LSAMP: variants seen among roughly 807,000 people sequenced by gnomAD.
The protein encoded by LSAMP is limbic system-associated membrane protein.
LSAMP carries 7 observed loss-of-function variants against 38.6 expected under a neutral mutation model. The observed-to-expected ratio is 0.18, with a 90% CI of 0.10 to 0.34. The LOEUF is 0.34. Among genes scored for constraint, LSAMP ranks in the 10% least tolerant of loss-of-function variants. The pLI, the probability that LSAMP is intolerant of heterozygous loss-of-function variation, is 1.00. For missense variants in LSAMP, 313 were observed against 420.0 expected (o/e 0.75, Z 2.23); for synonymous variants, 154 against 166.8 (o/e 0.92, Z 0.59).
intron 1 of LSAMP, among the ~76,000 whole-genome samples, chr3:116,348,622 CAG>C (rs961426691): frequency 1.3e-5 from 2 of 152,124 alleles, no homozygotes; most frequent in Non-Finnish European, 2.9e-5. Context: ...GCATTTGTGA[CAG>C]ACATTTTTTA....
chr3:116,310,691 G>C lies in LSAMP; in HGVS notation c.155+134186C>G, dbSNP rs571107179. Among the ~76,000 whole-genome samples the C allele has an allele frequency of 5.9e-5, 9 of 152,044 alleles. No individual in the cohort carries two copies. The South Asian group carries it at 1.9e-3, about 32-fold the overall frequency. On this transcript the variant is annotated intron_variant, in intron 1 of 6. Coordinates refer to ENST00000490035, the MANE Select transcript of LSAMP (RefSeq NM_002338.5). ...CCCAACGAAAGAAAAATTTCTCAAG[G>C]CAATTGGGTTCCTAATAAATGATGC...
intron 1 of LSAMP, among the ~76,000 whole-genome samples, chr3:116,156,963 G>A (rs971992928): frequency 6.6e-6 from 1 of 152,096 alleles, no homozygotes; most frequent in Non-Finnish European, 1.5e-5. Context: ...CTTCATATAA[G>A]GAAGGATATT....
chr3:116,052,827 A>G (rs560002854), intron 2 of LSAMP, among the ~76,000 whole-genome samples: 16 of 152,294 alleles, frequency 1.1e-4, no homozygotes, highest in African/African-American at 3.4e-4. Context: ...GCTTAGTTGG[A>G]CGGAATTTGA....
At chr3:116,237,641 T>C (rs2046482383) in intron 1 of LSAMP, among the ~76,000 whole-genome samples, 1 of 146,820 alleles carries the variant, frequency 6.8e-6, no homozygotes, top group Non-Finnish European at 1.5e-5. Context: ...AGCACTTGAG[T>C]CCTCGCCATA....
rs2046714495 is a variant in LSAMP at position 116,253,656 on chromosome 3, T to C, written c.156-167100A>G. Among the ~76,000 whole-genome samples the C allele has an allele frequency of 4.6e-5, 7 of 152,186 alleles. No individual in the cohort carries two copies. The South Asian group carries it at 1.2e-3, about 27-fold the overall frequency. ...GAGCTTCCTTTTCTAGGCATGAACATTTCTCATTTGTTTAACATTGTGAAT... is the reference window on the plus strand; with the variant it reads ...GAGCTTCCTTTTCTAGGCATGAACACTTCTCATTTGTTTAACATTGTGAAT... On this transcript the variant is annotated intron_variant, in intron 1 of 6. Coordinates refer to ENST00000490035, the MANE Select transcript of LSAMP (RefSeq NM_002338.5).
At chr3:116,400,724 C>T (rs151329711) in intron 1 of LSAMP, among the ~76,000 whole-genome samples, 3 of 152,078 alleles carry the variant, frequency 2.0e-5, no homozygotes, top group East Asian at 1.9e-4. Flanking sequence ...GTGATCCACC[C>T]GCCTCGGCCT....
At chr3:115,874,431 G>T (rs1559862096) in intron 3 of LSAMP, among the ~76,000 whole-genome samples, 1 of 151,974 alleles carries the variant, frequency 6.6e-6, no homozygotes, top group Non-Finnish European at 1.5e-5. Flanking sequence ...TGTTCATGCG[G>T]TGATTGTAGC....
chr3:116,126,119 TC>T (rs1244010744), intron 1 of LSAMP, among the ~76,000 whole-genome samples: 2 of 152,218 alleles, frequency 1.3e-5, no homozygotes, highest in Admixed American at 6.5e-5. Flanking sequence ...ATCCAAAGCT[TC>T]TAAACTTTTG....
intron 1 of LSAMP, among the ~76,000 whole-genome samples, chr3:116,181,967 T>C (rs931662434): frequency 3.9e-5 from 6 of 152,032 alleles, no homozygotes; most frequent in African/African-American, 7.2e-5. Context: ...GGAACCATTA[T>C]TGTAGAACAG....
chr3:116,182,347 T>C (rs1375208622), intron 1 of LSAMP, among the ~76,000 whole-genome samples: 1 of 151,306 alleles, frequency 6.6e-6, no homozygotes, highest in Non-Finnish European at 1.5e-5. Flanking sequence ...TATAAAAACA[T>C]TGGATTTTTA....
intron 6 of LSAMP, among the ~76,000 whole-genome samples, chr3:115,814,955 T>C (rs1933966094): frequency 6.6e-6 from 1 of 152,188 alleles, no homozygotes; most frequent in African/African-American, 2.4e-5. Context: ...CCTGATAAAA[T>C]TGACTTTGGC....
At chr3:115,933,920 A>C (rs547944554) in intron 3 of LSAMP, among the ~76,000 whole-genome samples, 1 of 152,326 alleles carries the variant, frequency 6.6e-6, no homozygotes, top group African/African-American at 2.4e-5. Flanking sequence ...ACAGGGAACA[A>C]GGGGGCAGAA....
At chr3:116,353,892 T>A (rs2048183271) in intron 1 of LSAMP, among the ~76,000 whole-genome samples, 1 of 152,126 alleles carries the variant, frequency 6.6e-6, no homozygotes, top group Non-Finnish European at 1.5e-5. Flanking sequence ...AAAATAAAGT[T>A]CATAAAAATC....
intron 6 of LSAMP, among the ~76,000 whole-genome samples, chr3:115,812,816 C>T (rs1433074295): frequency 6.6e-6 from 1 of 152,112 alleles, no homozygotes; most frequent in Non-Finnish European, 1.5e-5. Flanking sequence ...GCTAGTTTAT[C>T]TTGTAGACAT....
At chr3:116,288,897 T>A (rs2047225642) in intron 1 of LSAMP, among the ~76,000 whole-genome samples, 1 of 152,188 alleles carries the variant, frequency 6.6e-6, no homozygotes, top group South Asian at 2.1e-4. Context: ...CATTTGAGAA[T>A]AAATGAAGTT....
chr3:116,433,198 G>A (rs1423745719), intron 1 of LSAMP, among the ~76,000 whole-genome samples: 1 of 152,070 alleles, frequency 6.6e-6, no homozygotes, highest in Non-Finnish European at 1.5e-5. Flanking sequence ...TACTTACTAT[G>A]CATGACTTAG....
intron 1 of LSAMP, among the ~76,000 whole-genome samples, chr3:116,444,017 T>C (rs921719417): frequency 6.6e-6 from 1 of 152,190 alleles, no homozygotes; most frequent in African/African-American, 2.4e-5. Context: ...TTGGGACTCT[T>C]CTTTCCAAAT....
In LSAMP at chr3:115,827,210, C is replaced by T. The variant is rs1934446477; in HGVS notation, c.919+14635G>A. On this transcript the variant is annotated intron_variant, in intron 6 of 6. Coordinates refer to ENST00000490035, the MANE Select transcript of LSAMP (RefSeq NM_002338.5). ...ACCCACACGTATAGTTGAAAAACCA[C>T]TGTAGGATGGCCAAGCAAGTTTCCA... is the stretch of plus-strand genomic sequence containing the variant. Among the ~76,000 whole-genome samples the T allele has an allele frequency of 2.6e-5, 4 of 152,162 alleles. No homozygotes were observed. The South Asian group carries it at 8.3e-4, about 32-fold the overall frequency.
intron 1 of LSAMP, among the ~76,000 whole-genome samples, chr3:116,277,825 G>C (rs72947988): frequency 6.6e-6 from 1 of 152,040 alleles, no homozygotes; most frequent in African/African-American, 2.4e-5. Context: ...AACCATGAGA[G>C]ACTCAGCCTG....
Sources: allele counts gnomAD v4.1 joint callset (sites outside exome capture counted in the v4.1 genomes callset), GRCh38; gene constraint gnomAD v4.1.1; transcripts MANE v1.5; gene names NCBI Gene and HGNC (gene_info 2026-07-23, HGNC 2026-07-21).